Variants in TMEM132D observed in about 807,000 individuals in gnomAD.
The protein encoded by TMEM132D is transmembrane protein 132D.
TMEM132D carries 21 observed loss-of-function variants against 62.3 expected under a neutral mutation model. That is an observed-to-expected ratio of 0.34 (90% CI 0.24 to 0.49). TMEM132D has a LOEUF of 0.49. TMEM132D is among the 20% of genes least tolerant of loss of function. The pLI, the probability that TMEM132D is intolerant of heterozygous loss-of-function variation, is 0.99. For synonymous variants in TMEM132D, 621 were observed against 575.6 expected (o/e 1.08, Z -1.13); for missense variants, 1,346 against 1,402.8 (o/e 0.96, Z 0.65).
intron 2 of TMEM132D, among the ~76,000 whole-genome samples, chr12:129,581,060 G>A (rs1373418108): frequency 2.6e-5 from 4 of 152,168 alleles, no homozygotes; most frequent in African/African-American, 9.7e-5. Flanking sequence ...CTGCCGGCAG[G>A]GGTCATGGTG....
chr12:129,653,576 C>G (rs964930148), intron 2 of TMEM132D, among the ~76,000 whole-genome samples: 2 of 152,150 alleles, frequency 1.3e-5, no homozygotes, highest in South Asian at 4.1e-4. Flanking sequence ...AGTTGCCCAG[C>G]AATATGAACA....
chr12:129,102,677 T>C (rs904039309), intron 5 of TMEM132D, among the ~76,000 whole-genome samples: 4 of 152,236 alleles, frequency 2.6e-5, no homozygotes, highest in African/African-American at 9.6e-5. Context: ...TTGCTAAAAC[T>C]TTCTCTAAGC....
intron 5 of TMEM132D, among the ~76,000 whole-genome samples, chr12:129,113,980 C>T (rs1875805979): frequency 6.6e-6 from 1 of 152,016 alleles, no homozygotes; most frequent in African/African-American, 2.4e-5. Context: ...CTGACCACCA[C>T]CCAAGCAAGC....
chr12:129,665,010 T>C (rs775695506), intron 2 of TMEM132D, among the ~76,000 whole-genome samples: 4 of 151,878 alleles, frequency 2.6e-5, no homozygotes, highest in Non-Finnish European at 4.4e-5. Context: ...AGGCATCCTG[T>C]CTCCAGAGTC....
Position 129,903,459 on chromosome 12 carries a change from C to T in TMEM132D, c.-120G>A. 2 of 1,045,986 alleles carry T rather than the reference C, an allele frequency of 1.9e-6. No homozygotes were observed. The highest frequency in any genetic ancestry group is 3.1e-5 in the South Asian group (2 of 65,362). 64.8% of individuals were successfully genotyped at this position (1,045,986 alleles called of 1,614,324 possible). The stretch of plus-strand genomic sequence containing the variant: ...TGGCGAGGGAGCGCCCGGCTAGGGG[C>T]CCGAGCAGCCCGGGCGCCCTGCTCC... On this transcript the variant is annotated 5_prime_UTR_variant, in exon 1 of 9. Transcript: ENST00000422113. The surrounding 1 kb of genome is among the most constrained non-coding windows in gnomAD (Gnocchi z 6.2).
At chr12:129,620,305 AAT>A (rs1879030715) in intron 2 of TMEM132D, among the ~76,000 whole-genome samples, 1 of 152,134 alleles carries the variant, frequency 6.6e-6, no homozygotes, top group South Asian at 2.1e-4. Flanking sequence ...CTCCTTCAAA[AAT>A]ATGTCAGGCC....
At chr12:129,839,117 A>ATTTTT (rs71085578) in intron 1 of TMEM132D, among the ~76,000 whole-genome samples, 733 of 20,686 alleles carry the variant, frequency 0.035, 253 homozygotes, top group African/African-American at 0.099. Flanking sequence ...CGCCTGGCTA[A>ATTTTT]TTTTTTTTTT....
intron 1 of TMEM132D, among the ~76,000 whole-genome samples, chr12:129,771,098 T>C (rs1294635868): frequency 1.3e-5 from 2 of 152,212 alleles, no homozygotes; most frequent in Non-Finnish European, 2.9e-5. Flanking sequence ...GGGCTCCAGC[T>C]GTGTTCCTCT....
intron 3 of TMEM132D, among the ~76,000 whole-genome samples, chr12:129,444,261 G>A (rs1873028086): frequency 6.6e-6 from 1 of 152,058 alleles, no homozygotes; most frequent in South Asian, 2.1e-4. Flanking sequence ...TTGACAAATG[G>A]GATCTATTAA....
chr12:129,472,005 T>G (rs1221621233), intron 3 of TMEM132D, among the ~76,000 whole-genome samples: 1 of 152,210 alleles, frequency 6.6e-6, no homozygotes, highest in African/African-American at 2.4e-5. Context: ...ACTGTCTCCA[T>G]GACATAAAAG....
At chr12:129,699,695 G>T in intron 2 of TMEM132D, 115 bp downstream of exon 2, 3 of 1,332,210 alleles carry the variant, frequency 2.3e-6, no homozygotes, top group Non-Finnish European at 3.1e-6. Context: ...TTGTAAGAAC[G>T]GGAAGGCCGG....
intron 4 of TMEM132D, among the ~76,000 whole-genome samples, chr12:129,319,179 G>A (rs1868593760): frequency 6.6e-6 from 1 of 152,182 alleles, no homozygotes; most frequent in Non-Finnish European, 1.5e-5. Context: ...TCTCCATGTG[G>A]AGTTTTACCC....
intron 1 of TMEM132D, among the ~76,000 whole-genome samples, chr12:129,847,387 C>A (rs1317698194): frequency 6.6e-6 from 1 of 152,172 alleles, no homozygotes; most frequent in Non-Finnish European, 1.5e-5. Context: ...AACAGTGGTG[C>A]AAAACACTGG....
In TMEM132D at chr12:129,819,227, A is replaced by ACCC. The variant is rs1565997059; in HGVS notation, c.79+84031_79+84033dup. Among the ~76,000 whole-genome samples, 319 of 143,376 alleles carry ACCC rather than the reference A, an allele frequency of 2.2e-3. 2 individuals are homozygous for ACCC. The highest frequency in any genetic ancestry group is 5.1e-3 in the East Asian group (22 of 4,340). The allele number at this position is 143,376 out of a possible 152,430, so 94.1% of individuals were successfully genotyped here. On this transcript the variant is annotated intron_variant, in intron 1 of 8. Coordinates refer to ENST00000422113, the MANE Select transcript of TMEM132D (RefSeq NM_133448.3). The stretch of plus-strand genomic sequence containing the variant: ...TGAAATTTGTTCATCCCTTCTACCT[A>ACCC]CCCCACAGTGCCAAGCACTGCACTT...
chr12:129,655,577 G>A lies in TMEM132D; in HGVS notation c.968+44233C>T, dbSNP rs265599. On this transcript the variant is annotated intron_variant, in intron 2 of 8. Coordinates refer to ENST00000422113, the MANE Select transcript of TMEM132D (RefSeq NM_133448.3). The stretch of plus-strand genomic sequence containing the variant: ...ATTCCTTTTCTACTTACCCTTCGTG[G>A]GGGCGTTGCAGGGGAGTGCAGGGGA... Among the ~76,000 whole-genome samples, 774 of 151,944 alleles carry A rather than the reference G, an allele frequency of 5.1e-3. 13 individuals are homozygous for A. The highest frequency in any genetic ancestry group is 0.018 in the African/African-American group (742 of 41,414).
In TMEM132D at chr12:129,104,976, T is replaced by A. The variant is rs1357435856; in HGVS notation, c.1444-20274A>T. Among the ~76,000 whole-genome samples the A allele has an allele frequency of 4.1e-5, 6 of 147,842 alleles. No individual in the cohort carries two copies. The East Asian group carries it at 1.2e-3, about 29-fold the overall frequency. The stretch of plus-strand genomic sequence containing the variant: ...TAAACTAGTTCAACCATTGTGGAAG[T>A]CAGTGTGGCGATTCCTCAGGGATCT... On this transcript the variant is annotated intron_variant, in intron 5 of 8. Coordinates refer to ENST00000422113, the MANE Select transcript of TMEM132D (RefSeq NM_133448.3).
intron 5 of TMEM132D, among the ~76,000 whole-genome samples, chr12:129,207,215 G>A (rs564563338): frequency 6.6e-6 from 1 of 150,830 alleles, no homozygotes; most frequent in Non-Finnish European, 1.5e-5. Flanking sequence ...CCGCCCTCAC[G>A]GAGCTTAAGT....
chr12:129,390,401 A>G (rs1203014720), intron 3 of TMEM132D, among the ~76,000 whole-genome samples: 1 of 150,502 alleles, frequency 6.6e-6, no homozygotes, highest in Non-Finnish European at 1.5e-5. Flanking sequence ...CTGAATGTCC[A>G]TCCCCTCACC....
At chr12:129,815,530 C>G (rs962185074) in intron 1 of TMEM132D, among the ~76,000 whole-genome samples, 1 of 152,288 alleles carries the variant, frequency 6.6e-6, no homozygotes, top group Non-Finnish European at 1.5e-5. Flanking sequence ...CCTGCAGGGG[C>G]CCGACTGCAT....
Sources: allele counts gnomAD v4.1 joint callset (sites outside exome capture counted in the v4.1 genomes callset), GRCh38; gene constraint gnomAD v4.1.1; non-coding constraint Gnocchi (gnomAD v3.1); transcripts MANE v1.5; gene names NCBI Gene and HGNC (gene_info 2026-07-23, HGNC 2026-07-21).